ALK: variants seen among roughly 807,000 people sequenced by gnomAD.
The protein encoded by ALK is ALK receptor tyrosine kinase.
Under a neutral mutation model 163.1 loss-of-function variants are expected in ALK, and 74 were observed. The observed-to-expected ratio is 0.45, with a 90% CI of 0.38 to 0.55. The LOEUF (loss-of-function observed/expected upper bound fraction) is 0.55. Ranked by LOEUF, ALK falls within the 20% of genes least tolerant of loss-of-function variation. The pLI, the probability that ALK is intolerant of heterozygous loss-of-function variation, is 0.00. For missense variants in ALK, 2,063 were observed against 2,105.3 expected (o/e 0.98, Z 0.39); for synonymous variants, 960 against 843.2 (o/e 1.14, Z -2.40).
intron 1 of ALK, among the ~76,000 whole-genome samples, chr2:29,792,795 T>TAA (rs11420714): frequency 2.0e-5 from 3 of 152,062 alleles, no homozygotes; most frequent in Non-Finnish European, 2.9e-5. Flanking sequence ...GCATAATCTC[T>TAA]AAAAAAATAT....
chr2:29,533,273 CA>C (rs1673167093), intron 3 of ALK, among the ~76,000 whole-genome samples: 1 of 152,092 alleles, frequency 6.6e-6, no homozygotes, highest in South Asian at 2.1e-4. Flanking sequence ...TACATTATGA[CA>C]GTATTTTGCA....
At chr2:29,820,583 C>A (rs905525752) in intron 1 of ALK, among the ~76,000 whole-genome samples, 2 of 152,144 alleles carry the variant, frequency 1.3e-5, no homozygotes, top group Non-Finnish European at 2.9e-5. Flanking sequence ...ATGTACAAAA[C>A]TGAAAGAGGA....
chr2:29,468,853 CA>C (rs70958265), intron 4 of ALK, among the ~76,000 whole-genome samples: 1,509 of 30,842 alleles, frequency 0.049, 11 homozygotes, highest in African/African-American at 0.15. Flanking sequence ...GACCCTGCCT[CA>C]AAAAAAAAAA....
At chr2:29,596,930 G>T (rs1478775073) in intron 3 of ALK, among the ~76,000 whole-genome samples, 1 of 152,178 alleles carries the variant, frequency 6.6e-6, no homozygotes, top group Non-Finnish European at 1.5e-5. Context: ...ATTGCCCTTT[G>T]TGGAGGGGTC....
chr2:29,383,762 C>G lies in ALK; in HGVS notation c.1252G>C (p.Asp418His), dbSNP rs1434832173. Residue 418 changes from aspartate to histidine, a missense_variant, in exon 5 of 29, where the codon GAC becomes CAC. By Grantham distance (81) the Asp-to-His change is moderately conservative. Coordinates refer to ENST00000389048, the MANE Select transcript of ALK (RefSeq NM_004304.5). ...CTGCAGTTCTTCAGGGCAAAGAAGT[C>G]CACTGCAGACAAGCTGCGGTTTCCA... ...SSGNRSLSAV[D>H]FFALKNCSEG... The G allele has an allele frequency of 6.2e-7, 1 of 1,614,142 alleles. No homozygotes were observed. The highest frequency in any genetic ancestry group is 2.2e-5 in the East Asian group (1 of 44,864).
At chr2:29,513,929 G>T (rs1310870133) in intron 4 of ALK, among the ~76,000 whole-genome samples, 36 of 129,228 alleles carry the variant, frequency 2.8e-4, no homozygotes, top group East Asian at 4.9e-4. Context: ...TCAGAGAAAT[G>T]CAAATCAAAA....
intron 3 of ALK, among the ~76,000 whole-genome samples, chr2:29,603,714 C>T (rs933494450): frequency 6.6e-6 from 1 of 152,084 alleles, no homozygotes; most frequent in South Asian, 2.1e-4. Context: ...CCAGCAAGCT[C>T]AGCACCATTC....
intron 4 of ALK, among the ~76,000 whole-genome samples, chr2:29,420,128 G>A (rs186500338): frequency 5.9e-5 from 8 of 135,564 alleles, no homozygotes; most frequent in African/African-American, 2.0e-4. Flanking sequence ...CTGCACTCCA[G>A]CCTGGGTGAC....
chr2:29,470,421 T>A (rs73923634), intron 4 of ALK, among the ~76,000 whole-genome samples: 4,729 of 152,196 alleles, frequency 0.031, 198 homozygotes, highest in African/African-American at 0.097. Context: ...AAACTATGCC[T>A]AGTCACATCA....
intron 3 of ALK, among the ~76,000 whole-genome samples, chr2:29,684,190 T>C (rs897541063): frequency 2.6e-5 from 4 of 152,224 alleles, no homozygotes; most frequent in Admixed American, 2.0e-4. Flanking sequence ...GTGTCTTATC[T>C]GTATTATTTG....
intron 4 of ALK, among the ~76,000 whole-genome samples, chr2:29,397,777 C>T (rs1669345708): frequency 6.6e-6 from 1 of 152,152 alleles, no homozygotes; most frequent in Non-Finnish European, 1.5e-5. Flanking sequence ...AGGGAGGCCC[C>T]TCTGTAGAAT....
intron 4 of ALK, among the ~76,000 whole-genome samples, chr2:29,470,325 T>C (rs1671319666): frequency 8.3e-6 from 1 of 119,924 alleles, no homozygotes; most frequent in South Asian, 2.8e-4. Flanking sequence ...AGAGGCAATA[T>C]GTGAAGAAAT....
intron 3 of ALK, among the ~76,000 whole-genome samples, chr2:29,532,949 C>A (rs567188086): frequency 6.6e-6 from 1 of 152,324 alleles, no homozygotes; most frequent in African/African-American, 2.4e-5. Flanking sequence ...CTACTCCTGG[C>A]ACTTCCAAGG....
intron 1 of ALK, among the ~76,000 whole-genome samples, chr2:29,916,110 T>C (rs1424262749): frequency 6.6e-6 from 1 of 152,310 alleles, no homozygotes; most frequent in South Asian, 2.1e-4. Context: ...TATGTGAAAA[T>C]ATAGAACTGA....
At chr2:29,725,085 A>G (rs1041986201) in intron 1 of ALK, among the ~76,000 whole-genome samples, 1 of 151,026 alleles carries the variant, frequency 6.6e-6, no homozygotes, top group African/African-American at 2.4e-5. Flanking sequence ...AGTGAGGAAT[A>G]TTAATAAAGG....
chr2:29,365,131 T>C (rs1447581596), intron 5 of ALK, among the ~76,000 whole-genome samples: 1 of 152,202 alleles, frequency 6.6e-6, no homozygotes, highest in African/African-American at 2.4e-5. Flanking sequence ...GAATTTACCA[T>C]CTAGATTAGC....
chr2:29,396,393 T>C (rs530690827), intron 4 of ALK, among the ~76,000 whole-genome samples: 1 of 152,238 alleles, frequency 6.6e-6, no homozygotes, highest in East Asian at 1.9e-4. Flanking sequence ...AACTCAAACA[T>C]GGCCGGGTGC....
chr2:29,868,010 C>T (rs1275710242), intron 1 of ALK, among the ~76,000 whole-genome samples: 1 of 152,078 alleles, frequency 6.6e-6, no homozygotes, highest in Admixed American at 6.5e-5. Context: ...AGCAAGGTGG[C>T]AGGAACAGGT....
At chr2:29,658,774 A>G (rs936844151) in intron 3 of ALK, among the ~76,000 whole-genome samples, 5 of 152,202 alleles carry the variant, frequency 3.3e-5, no homozygotes, top group Non-Finnish European at 7.3e-5. Context: ...TGTGCTGCAT[A>G]ATATGTAATA....
Sources: allele counts gnomAD v4.1 joint callset (sites outside exome capture counted in the v4.1 genomes callset), GRCh38; gene constraint gnomAD v4.1.1; transcripts MANE v1.5; gene names NCBI Gene and HGNC (gene_info 2026-07-23, HGNC 2026-07-21).